RTL9: variants seen among roughly 807,000 people sequenced by gnomAD.
RTL9 encodes retrotransposon Gag-like protein 9.
RTL9 carries 19 observed loss-of-function variants against 44.7 expected under a neutral mutation model. The observed-to-expected ratio is 0.42, with a 90% CI of 0.30 to 0.62. The LOEUF (loss-of-function observed/expected upper bound fraction) is 0.62. RTL9 is among the 20% of genes least tolerant of loss of function. The pLI, the probability that RTL9 is intolerant of heterozygous loss-of-function variation, is 0.16. For synonymous variants in RTL9, 407 were observed against 398.9 expected, an observed-to-expected ratio of 1.02 and a Z score of -0.24; for missense variants, 1,105 against 1,080.6, an observed-to-expected ratio of 1.02 and a Z score of -0.32.
At chrX:110,421,207 G>A (rs1201083903) in intron 1 of RTL9, among the ~76,000 whole-genome samples, 1 of 112,174 alleles carries the variant, frequency 8.9e-6, no homozygotes, top group Non-Finnish European at 1.9e-5. Context: ...GCCCTTCAAG[G>A]GACCAAGCAG....
At chrX:110,378,521 G>A (rs962849282) in intron 1 of RTL9, among the ~76,000 whole-genome samples, 8 of 111,872 alleles carry the variant, frequency 7.2e-5, no homozygotes, top group African/African-American at 2.3e-4. Flanking sequence ...CCTGGCATTC[G>A]AAGCTCTCTA....
intron 1 of RTL9, among the ~76,000 whole-genome samples, chrX:110,400,032 A>C (rs1293127803): frequency 2.7e-5 from 3 of 110,318 alleles, no homozygotes; most frequent in Non-Finnish European, 5.7e-5. Flanking sequence ...TTGATTAGGG[A>C]CATGTTATGT....
intron 1 of RTL9, among the ~76,000 whole-genome samples, chrX:110,402,889 C>T (rs2068574730): frequency 8.9e-6 from 1 of 112,165 alleles, no homozygotes; most frequent in South Asian, 3.8e-4. Flanking sequence ...GGACTGCCCC[C>T]TTTTCTTCAG....
At chrX:110,380,223 A>G (rs1360475457) in intron 1 of RTL9, among the ~76,000 whole-genome samples, 1 of 112,154 alleles carries the variant, frequency 8.9e-6, no homozygotes, top group Non-Finnish European at 1.9e-5. Context: ...TGTTAGGGAC[A>G]GAACACAAAA....
intron 1 of RTL9, among the ~76,000 whole-genome samples, chrX:110,369,138 C>T (rs7883865): frequency 0.031 from 3,490 of 111,347 alleles, 153 homozygotes; most frequent in African/African-American, 0.11. Flanking sequence ...TGAGACCATC[C>T]TGGCTAACAC....
chrX:110,399,266 C>T (rs1476186001), intron 1 of RTL9, among the ~76,000 whole-genome samples: 1 of 112,357 alleles, frequency 8.9e-6, no homozygotes, highest in African/African-American at 3.2e-5. Context: ...ACATTCAACC[C>T]CAAACTTAGA....
intron 1 of RTL9, among the ~76,000 whole-genome samples, chrX:110,438,665 G>A (rs969460427): frequency 9.0e-6 from 1 of 111,081 alleles, no homozygotes; most frequent in Non-Finnish European, 1.9e-5. Context: ...CAGACATAAG[G>A]TGGAATTCCT....
chrX:110,368,971 A>T (rs891227518), intron 1 of RTL9, among the ~76,000 whole-genome samples: 1 of 111,775 alleles, frequency 8.9e-6, no homozygotes, highest in African/African-American at 3.3e-5. Flanking sequence ...TCTTTACATG[A>T]GGACTTCCAG....
At chrX:110,417,379 T>A (rs1252758381), upstream of RTL9, among the ~76,000 whole-genome samples, 4 of 112,698 alleles carry the variant, frequency 3.5e-5, no homozygotes, top group African/African-American at 9.7e-5. Flanking sequence ...GCAGAGGTTC[T>A]GGGCTAGGCT....
chrX:110,433,274 G>A (rs761118247), intron 1 of RTL9, among the ~76,000 whole-genome samples: 2 of 112,503 alleles, frequency 1.8e-5, no homozygotes, highest in Non-Finnish European at 3.8e-5. Flanking sequence ...TGCATAGCCC[G>A]TATCCTCAAA....
chrX:110,432,321 A>G (rs1463523694), intron 1 of RTL9, among the ~76,000 whole-genome samples: 1 of 112,135 alleles, frequency 8.9e-6, no homozygotes. Flanking sequence ...CCCTTGTACC[A>G]CTACACCCCC....
intron 1 of RTL9, among the ~76,000 whole-genome samples, chrX:110,432,764 TCCCCAC>T (rs2068807258): frequency 8.9e-6 from 1 of 112,149 alleles, no homozygotes; most frequent in African/African-American, 3.2e-5. Context: ...GCTCTCTCTT[TCCCCAC>T]CCCTGCTTCC....
At chrX:110,360,272 C>T (rs775736340) in intron 1 of RTL9, among the ~76,000 whole-genome samples, 1 of 111,590 alleles carries the variant, frequency 9.0e-6, no homozygotes, top group Non-Finnish European at 1.9e-5. Context: ...ATAGTAGATA[C>T]CATTGGAAAG....
intron 1 of RTL9, among the ~76,000 whole-genome samples, chrX:110,384,452 T>C (rs1168783344): frequency 2.7e-5 from 3 of 111,899 alleles, no homozygotes; most frequent in African/African-American, 9.7e-5. Context: ...ACTTAGTACA[T>C]GTAAAACCTA....
chrX:110,443,297 CT>C (rs1027143532), intron 1 of RTL9, among the ~76,000 whole-genome samples: 11 of 111,177 alleles, frequency 9.9e-5, no homozygotes, highest in Admixed American at 6.7e-4. Context: ...TTCAGAATCA[CT>C]TGGGTTAAAT....
chrX:110,397,511 T>C (rs1194895831), intron 1 of RTL9, among the ~76,000 whole-genome samples: 1 of 110,420 alleles, frequency 9.1e-6, no homozygotes. Flanking sequence ...GCTGCTACCA[T>C]TCCTTGGCTA....
intron 1 of RTL9, among the ~76,000 whole-genome samples, chrX:110,402,654 G>A (rs2068573127): frequency 8.9e-6 from 1 of 112,697 alleles, no homozygotes; most frequent in Non-Finnish European, 1.9e-5. Context: ...GCTGGAGGCT[G>A]ATCTCATCCT....
chrX:110,452,008 C>A (rs762398538), exon 1 of RTL9: 1 of 1,210,361 alleles, frequency 8.3e-7, no homozygotes, highest in East Asian at 3.0e-5. Context: ...AGAGTAATGT[C>A]CGCACAGTTA....
exon 1 of RTL9, chrX:110,451,728 G>T (rs753964656): frequency 1.7e-6 from 2 of 1,209,659 alleles, no homozygotes; most frequent in African/African-American, 3.5e-5. Context: ...AGGCTCTGGG[G>T]CGATGTCCCC....
Sources: allele counts gnomAD v4.1 joint callset (sites outside exome capture counted in the v4.1 genomes callset), GRCh38; gene constraint gnomAD v4.1.1; transcripts MANE v1.5; gene names NCBI Gene and HGNC (gene_info 2026-07-23, HGNC 2026-07-21).